Variants in CNTNAP2 observed in about 807,000 individuals in gnomAD.
CNTNAP2 encodes contactin associated protein 2.
Under a neutral mutation model 155.2 loss-of-function variants are expected in CNTNAP2, and 98 were observed. The ratio of observed to expected loss-of-function variants is 0.63; its 90% CI spans 0.54 to 0.75. CNTNAP2 has a LOEUF of 0.75. Ranked by LOEUF, CNTNAP2 falls within the 30% of genes least tolerant of loss-of-function variation. The probability of loss-of-function intolerance (pLI) is 0.00; values close to 1 mark genes in which losing one functional copy is unlikely to be tolerated. For missense variants in CNTNAP2, 1,727 were observed against 1,688.1 expected, an observed-to-expected ratio of 1.02 and a Z score of -0.40; for synonymous variants, 651 against 631.2, an observed-to-expected ratio of 1.03 and a Z score of -0.47.
intron 1 of CNTNAP2, among the ~76,000 whole-genome samples, chr7:146,332,597 A>G (rs1437694699): frequency 1.3e-5 from 2 of 152,178 alleles, no homozygotes; most frequent in Non-Finnish European, 2.9e-5. Context: ...GAATTATCAG[A>G]TCTTAGAGAA....
At chr7:147,920,012 A>G (rs528975506) in intron 14 of CNTNAP2, among the ~76,000 whole-genome samples, 4 of 152,064 alleles carry the variant, frequency 2.6e-5, no homozygotes, top group Non-Finnish European at 1.5e-5. Context: ...TTTTCCTCTC[A>G]CATTGGTATA....
intron 1 of CNTNAP2, among the ~76,000 whole-genome samples, chr7:146,717,768 T>G (rs545858719): frequency 2.6e-5 from 4 of 152,164 alleles, no homozygotes; most frequent in Non-Finnish European, 4.4e-5. Flanking sequence ...AGGTTTTTTT[T>G]TGTGCCAGGG....
intron 1 of CNTNAP2, among the ~76,000 whole-genome samples, chr7:146,591,927 A>T (rs753269374): frequency 3.3e-5 from 5 of 152,148 alleles, no homozygotes; most frequent in Non-Finnish European, 7.4e-5. Flanking sequence ...CTCCTTTTCA[A>T]TATCCTTCTC....
intron 1 of CNTNAP2, among the ~76,000 whole-genome samples, chr7:146,284,000 C>A (rs1450809569): frequency 1.3e-5 from 2 of 152,140 alleles, no homozygotes; most frequent in Non-Finnish European, 2.9e-5. Context: ...TTCTTTGTCA[C>A]ATCATGAGGT....
chr7:147,044,454 C>T lies in CNTNAP2; in HGVS notation c.550+400C>T, dbSNP rs1161008229. 4.6e-5 allele frequency among the ~76,000 whole-genome samples: 7 copies of T among 152,148 alleles called. No homozygotes were observed. The South Asian group carries it at 8.3e-4, about 18-fold the overall frequency. ...TTTATTATGGGTTTTGAAAACATTT[C>T]GAAGAACTTCCTTCGGGTTCACTAA... On this transcript the variant is annotated intron_variant, in intron 4 of 23. Coordinates refer to ENST00000361727, the MANE Select transcript of CNTNAP2 (RefSeq NM_014141.6).
At chr7:146,411,518 AATTAACATTTGTTAATTAAC>A (rs1795864195) in intron 1 of CNTNAP2, among the ~76,000 whole-genome samples, 2 of 152,146 alleles carry the variant, frequency 1.3e-5, no homozygotes, top group African/African-American at 4.8e-5. Context: ...AGGTAATGTT[AATTAACATTTGTTAATTAAC>A]TTGATGTAGC....
chr7:146,339,425 C>CAATT (rs1563045538), intron 1 of CNTNAP2, among the ~76,000 whole-genome samples: 1 of 152,018 alleles, frequency 6.6e-6, no homozygotes, highest in Non-Finnish European at 1.5e-5. Flanking sequence ...ATGGGATATA[C>CAATT]AATTATTCCA....
intron 15 of CNTNAP2, among the ~76,000 whole-genome samples, chr7:147,992,087 CTTTTTTTTTTTT>C (rs36015914): frequency 1.4e-5 from 1 of 72,774 alleles, no homozygotes; most frequent in Non-Finnish European, 2.4e-5. Flanking sequence ...ATTACTACCT[CTTTTTTTTTTTT>C]TTTTTTTTTT....
At chr7:147,427,179 T>G (rs887012515) in intron 10 of CNTNAP2, among the ~76,000 whole-genome samples, 4 of 152,098 alleles carry the variant, frequency 2.6e-5, no homozygotes, top group African/African-American at 9.7e-5. Context: ...GAGTGTTCCA[T>G]GTATTCTTGA....
intron 1 of CNTNAP2, among the ~76,000 whole-genome samples, chr7:146,528,005 T>A (rs984452529): frequency 6.6e-6 from 1 of 152,162 alleles, no homozygotes; most frequent in Non-Finnish European, 1.5e-5. Flanking sequence ...AAAATGTGAA[T>A]AAATAGAAAG....
chr7:147,627,707 AAAAAAAAG>A (rs1795010292), intron 12 of CNTNAP2, among the ~76,000 whole-genome samples: 1 of 150,758 alleles, frequency 6.6e-6, no homozygotes, highest in African/African-American at 2.4e-5. Flanking sequence ...AAAAAAAAAA[AAAAAAAAG>A]ATATTAAAAC....
intron 21 of CNTNAP2, among the ~76,000 whole-genome samples, chr7:148,302,466 C>T (rs745776951): frequency 2.0e-5 from 3 of 152,092 alleles, no homozygotes. Flanking sequence ...AAAGCTGCAC[C>T]CATTCCTCCT....
At chr7:147,651,862 C>T (rs1795454894) in intron 13 of CNTNAP2, among the ~76,000 whole-genome samples, 1 of 152,166 alleles carries the variant, frequency 6.6e-6, no homozygotes, top group Admixed American at 6.5e-5. Flanking sequence ...AGGGAAGCAC[C>T]TCCATTGAGC....
In CNTNAP2 at chr7:148,418,077, G is replaced by A. The variant is rs191514771; in HGVS notation, c.*2461G>A. 12 of 152,250 alleles carry A rather than the reference G, an allele frequency of 7.9e-5. No homozygotes were observed. The highest frequency in any genetic ancestry group is 1.2e-4 in the Non-Finnish European group (8 of 68,032). 9.4% of individuals were successfully genotyped at this position (152,250 alleles called of 1,614,324 possible). On this transcript the variant is annotated 3_prime_UTR_variant, in exon 24 of 24. Transcript: ENST00000361727. ...GTGGCCATCAGACAGGAAACCAAAC[G>A]GTGGATAAAGTATTAAGTAACTAAG...
intron 22 of CNTNAP2, among the ~76,000 whole-genome samples, chr7:148,402,233 A>C (rs1383362359): frequency 5.3e-5 from 8 of 152,242 alleles, no homozygotes; most frequent in African/African-American, 1.9e-4. Flanking sequence ...GAAGCTGGAA[A>C]TGTAAAGCTT....
intron 3 of CNTNAP2, among the ~76,000 whole-genome samples, chr7:147,041,217 T>G (rs1184616757): frequency 6.6e-6 from 1 of 152,174 alleles, no homozygotes; most frequent in Admixed American, 6.6e-5. Context: ...ATAACTACTT[T>G]CTGCCAGTCA....
chr7:146,491,572 C>T (rs1246919117), intron 1 of CNTNAP2, among the ~76,000 whole-genome samples: 3 of 152,062 alleles, frequency 2.0e-5, no homozygotes, highest in African/African-American at 7.2e-5. Flanking sequence ...TGGTGACTCA[C>T]ATGAAGGATG....
intron 3 of CNTNAP2, among the ~76,000 whole-genome samples, chr7:146,959,146 A>G (rs955025408): frequency 3.3e-5 from 5 of 151,810 alleles, no homozygotes; most frequent in Non-Finnish European, 5.9e-5. Context: ...CAGCCTGCCG[A>G]GTAACTGGGA....
intron 10 of CNTNAP2, among the ~76,000 whole-genome samples, chr7:147,420,383 T>C (rs1404610648): frequency 6.6e-6 from 1 of 152,228 alleles, no homozygotes; most frequent in Non-Finnish European, 1.5e-5. Flanking sequence ...TTATTTTCAT[T>C]AAATATTGCA....
Sources: gnomAD v4.1 joint callset for allele counts (sites outside exome capture counted in the v4.1 genomes callset) on GRCh38, gnomAD v4.1.1 for gene constraint, MANE v1.5 for transcripts, NCBI Gene and HGNC (gene_info 2026-07-23, HGNC 2026-07-21) for gene names.